Variants in ACSL6 observed in about 807,000 individuals in gnomAD.
ACSL6 encodes the protein acyl-CoA synthetase long chain family member 6.
ACSL6 carries 47 observed loss-of-function variants against 98.2 expected under a neutral mutation model. The observed-to-expected ratio is 0.48, with a 90% CI of 0.38 to 0.61. The LOEUF (loss-of-function observed/expected upper bound fraction) is 0.61. ACSL6 is among the 20% of genes least tolerant of loss of function. The probability of loss-of-function intolerance (pLI) is 0.00; values close to 1 mark genes in which losing one functional copy is unlikely to be tolerated. For missense variants in ACSL6, 761 were observed against 913.4 expected (o/e 0.83, Z 2.15); for synonymous variants, 362 against 336.9 (o/e 1.07, Z -0.82).
rs1209826818 is a variant in ACSL6, at chr5:131,973,373, C to G, written c.1096G>C (p.Val366Leu). 1 of 1,614,196 alleles carries G rather than the reference C, an allele frequency of 6.2e-7. No homozygotes were observed. Among genetic ancestry groups the G allele is most frequent in the South Asian group, 1.1e-5 (1 of 91,088 alleles). ...CGGATATCTCCCTGGAAGAAGCCAA[C>G]ACGCCCTCCGTGGCAATAGACGACA... ...QSVVYCHGGR[V>L]GFFQGDIRLL... Residue 366 changes from valine (V) to leucine (L), a missense_variant, in exon 12 of 21, where the codon GTT (valine) becomes CTT (leucine). Transcript: ENST00000651883.
At chr5:131,998,804 G>A (rs1377332213) in intron 1 of ACSL6, among the ~76,000 whole-genome samples, 3 of 152,150 alleles carry the variant, frequency 2.0e-5, no homozygotes, top group African/African-American at 7.2e-5. Flanking sequence ...TATGTAGATA[G>A]GATCATGTCA....
intron 1 of ACSL6, 52 bp from the exon 2 acceptor site, chr5:131,994,303 G>T: frequency 3.3e-6 from 5 of 1,494,924 alleles, no homozygotes; most frequent in Non-Finnish European, 4.6e-6. Context: ...GCAGGTTAGG[G>T]AGGGGTCCTG....
intron 9 of ACSL6, among the ~76,000 whole-genome samples, chr5:131,977,366 G>C (rs1023598682): frequency 6.6e-6 from 1 of 152,184 alleles, no homozygotes; most frequent in East Asian, 1.9e-4. Context: ...AGAGGGTAGA[G>C]ATGGCTAGGG....
chr5:132,009,482 C>T (rs1436679796), intron 1 of ACSL6, among the ~76,000 whole-genome samples: 2 of 152,156 alleles, frequency 1.3e-5, no homozygotes, highest in South Asian at 4.1e-4. Flanking sequence ...GGCTGGGGGC[C>T]AGGTGGAGTC....
rs1008151558 is a variant in ACSL6 at position 131,995,624 on chromosome 5, C to T, written c.50-1373G>A. Among the ~76,000 whole-genome samples, 7 of 152,154 alleles carry T rather than the reference C, an allele frequency of 4.6e-5. 1 individual carries two copies. The highest frequency in any genetic ancestry group is 1.7e-4 in the African/African-American group (7 of 41,432). On this transcript the variant is annotated intron_variant, in intron 1 of 20. Transcript: ENST00000651883. ...GATATGAGCCAAAAAATTGCTTGAC[C>T]CCTGAGAGAGGGGAGATCTGCTGAA...
chr5:132,000,343 A>G (rs960293023), intron 1 of ACSL6, among the ~76,000 whole-genome samples: 2 of 152,040 alleles, frequency 1.3e-5, no homozygotes, highest in African/African-American at 4.8e-5. Flanking sequence ...GCACTAAGAG[A>G]TACTGTTGCC....
Position 131,988,043 on chromosome 5 carries a change from C to T in ACSL6, c.831+5G>A. On this transcript the variant is annotated splice_donor_5th_base_variant and intron_variant, in intron 7 of 20. Transcript: ENST00000651883. ...CCAGCAAACCGCCCAGAAGCAGACCCTCACCTCCACGGCCTGCATGGACTT... is the reference window on the plus strand; with the variant it reads ...CCAGCAAACCGCCCAGAAGCAGACCTTCACCTCCACGGCCTGCATGGACTT... 6.2e-7 allele frequency: 1 copy of T among 1,613,008 alleles called. No homozygotes were observed. Among genetic ancestry groups the T allele is most frequent in the South Asian group, 1.1e-5 (1 of 90,928 alleles).
chr5:131,994,204 T>C lies in ACSL6; in HGVS notation c.97A>G (p.Arg33Gly). Residue 33 changes from arginine to glycine, a missense_variant, in exon 2 of 21, where the codon AGG (arginine) becomes GGG (glycine). By Grantham distance (125) the Arg-to-Gly change is moderately radical. Transcript: ENST00000651883. ...CCTAGCTCAGGCAGTCGCAGTATCCTCAGGATCTCCTGTGTCTGCATCTTC... is the reference window on the plus strand; with the variant it reads ...CCTAGCTCAGGCAGTCGCAGTATCCCCAGGATCTCCTGTGTCTGCATCTTC... Reference protein sequence around the residue: ...LEKMQTQEILRILRLPELGDL... With the variant: ...LEKMQTQEILGILRLPELGDL... The C allele has an allele frequency of 6.2e-7, 1 of 1,614,078 alleles. No individual in the cohort carries two copies. The highest frequency in any genetic ancestry group is 8.5e-7 in the Non-Finnish European group (1 of 1,179,994).
At chr5:132,007,935 A>T (rs1430189707) in intron 1 of ACSL6, among the ~76,000 whole-genome samples, 1 of 152,214 alleles carries the variant, frequency 6.6e-6, no homozygotes, top group Non-Finnish European at 1.5e-5. Context: ...AGCTGAGCCA[A>T]ATTCAGCCTT....
At chr5:131,969,114 G>T (rs1753169420) in intron 15 of ACSL6, among the ~76,000 whole-genome samples, 1 of 152,198 alleles carries the variant, frequency 6.6e-6, no homozygotes, top group South Asian at 2.1e-4. Flanking sequence ...CTCAGCAAAA[G>T]AATCCTTCAG....
chr5:131,959,464 G>T, intron 20 of ACSL6, 72 bp downstream of exon 20: 1 of 1,504,300 alleles, frequency 6.6e-7, no homozygotes, highest in Non-Finnish European at 9.2e-7. Flanking sequence ...CTAGGTCAGG[G>T]TCACCATGGG....
intron 18 of ACSL6, among the ~76,000 whole-genome samples, chr5:131,961,862 T>A (rs1237971556): frequency 6.6e-6 from 1 of 151,822 alleles, no homozygotes; most frequent in Non-Finnish European, 1.5e-5. Flanking sequence ...ATTTGTAAAG[T>A]TCATTTGCAT....
intron 5 of ACSL6, 57 bp downstream of exon 5, chr5:131,989,350 T>C (rs1196688648): frequency 2.0e-6 from 3 of 1,522,126 alleles, no homozygotes; most frequent in Admixed American, 1.7e-5. Context: ...GACTATTCCA[T>C]GGCAGCCAAC....
At chr5:131,976,514 G>A in intron 10 of ACSL6, 134 bp downstream of exon 10, 1 of 791,310 alleles carries the variant, frequency 1.3e-6, no homozygotes, top group South Asian at 1.8e-5. Flanking sequence ...AGAAACTCCT[G>A]CCTGTGAATG....
At chr5:131,960,146 G>A (rs760747039) in intron 19 of ACSL6, among the ~76,000 whole-genome samples, 59 of 152,260 alleles carry the variant, frequency 3.9e-4, no homozygotes, top group Middle Eastern at 3.4e-3. Flanking sequence ...CCTTACATCT[G>A]AAGGAGCATG....
chr5:131,972,975 G>T, intron 12 of ACSL6, 117 bp from the exon 13 acceptor site: 1 of 1,425,792 alleles, frequency 7.0e-7, no homozygotes, highest in Non-Finnish European at 9.6e-7. Context: ...TTTTGCCCCT[G>T]CAGGAGGTCA....
At chr5:131,958,191 C>T (rs1428346105) in intron 20 of ACSL6, among the ~76,000 whole-genome samples, 2 of 152,172 alleles carry the variant, frequency 1.3e-5, no homozygotes, top group Admixed American at 6.5e-5. Flanking sequence ...TGCCCTGGGA[C>T]AGGTCCCGCA....
At chr5:131,957,805 T>G (rs945992487) in intron 20 of ACSL6, among the ~76,000 whole-genome samples, 4 of 152,244 alleles carry the variant, frequency 2.6e-5, no homozygotes, top group African/African-American at 9.6e-5. Context: ...TCCTCAGGCA[T>G]GAGGCCTGGT....
chr5:131,962,142 C>A (rs1181811881), intron 18 of ACSL6, among the ~76,000 whole-genome samples: 1 of 151,996 alleles, frequency 6.6e-6, no homozygotes, highest in Non-Finnish European at 1.5e-5. Flanking sequence ...ATTGAGGCTG[C>A]AGTGAGCCAT....
Sources: gnomAD v4.1 joint callset for allele counts (sites outside exome capture counted in the v4.1 genomes callset) on GRCh38, gnomAD v4.1.1 for gene constraint, MANE v1.5 for transcripts, NCBI Gene and HGNC (gene_info 2026-07-23, HGNC 2026-07-21) for gene names.